ASPM: variants seen among roughly 807,000 people sequenced by gnomAD.
ASPM encodes the protein abnormal spindle-like microcephaly-associated protein.
In ASPM, 256 loss-of-function variants were observed where a neutral mutation model predicts 366.4. The ratio of observed to expected loss-of-function variants is 0.70; its 90% CI spans 0.63 to 0.77. The LOEUF is 0.77. ASPM is among the 30% of genes least tolerant of loss of function. ASPM has a pLI of 0.00. For missense variants in ASPM, 4,146 were observed against 4,090.4 expected (o/e 1.01, Z -0.37); for synonymous variants, 1,414 against 1,342.9 (o/e 1.05, Z -1.16).
intron 8 of ASPM, among the ~76,000 whole-genome samples, chr1:197,129,702 G>T (rs528251891): frequency 6.6e-6 from 1 of 152,126 alleles, no homozygotes; most frequent in Non-Finnish European, 1.5e-5. Flanking sequence ...AACCTACTGG[G>T]GGGAGAGGAT....
chr1:197,142,192 T>A (rs1385937701), intron 3 of ASPM, 139 bp downstream of exon 3: 1 of 887,426 alleles, frequency 1.1e-6, no homozygotes, highest in East Asian at 2.4e-5. Flanking sequence ...ACATAAGCTG[T>A]ATTCACATTT....
At position 197,104,789 on chromosome 1, in the gene ASPM, T is replaced by G; in HGVS notation, c.4462A>C (p.Arg1488=). ...HKELRKYIYI[R]SCVVIIQKRF... ...TTCTGAATGATAACAACACAAGATCTAATATAAATATATTTCCGTAATTCT... is the reference window on the plus strand; with the variant it reads ...TTCTGAATGATAACAACACAAGATCGAATATAAATATATTTCCGTAATTCT... The change falls in exon 18 of 28, where the codon AGA becomes CGA. Residue 1488 remains arginine (R), a synonymous_variant. Coordinates refer to ENST00000367409, the MANE Select transcript of ASPM (RefSeq NM_018136.5). 6.3e-7 allele frequency: 1 copy of G among 1,585,758 alleles called. No individual in the cohort carries two copies. The highest frequency in any genetic ancestry group is 8.6e-7 in the Non-Finnish European group (1 of 1,169,518).
At chr1:197,091,836 G>C (rs1656794637) in intron 22 of ASPM, 71 bp downstream of exon 22, 5 of 1,491,144 alleles carry the variant, frequency 3.4e-6, no homozygotes, top group Non-Finnish European at 4.6e-6. Flanking sequence ...TTTGGAAATT[G>C]TTTATTACAT....
intron 17 of ASPM, among the ~76,000 whole-genome samples, chr1:197,105,874 C>A (rs1657392966): frequency 6.6e-6 from 1 of 151,990 alleles, no homozygotes; most frequent in Admixed American, 6.6e-5. Context: ...AAAAGAGCTA[C>A]AAACTCTCAA....
intron 6 of ASPM, among the ~76,000 whole-genome samples, chr1:197,132,935 T>C (rs1658307505): frequency 6.6e-6 from 1 of 152,092 alleles, no homozygotes; most frequent in Admixed American, 6.6e-5. Context: ...GTTGAATTTA[T>C]AGAAGCACAG....
chr1:197,116,349 CA>C (rs1403359987), intron 17 of ASPM, among the ~76,000 whole-genome samples: 1 of 152,050 alleles, frequency 6.6e-6, no homozygotes, highest in African/African-American at 2.4e-5. Flanking sequence ...CACTTCCTAT[CA>C]AAGATCATTA....
chr1:197,122,264 A>AT lies in ASPM; in HGVS notation c.3635dup (p.Asn1212LysfsTer2). 6.2e-7 allele frequency: 1 copy of AT among 1,613,594 alleles called. No individual in the cohort carries two copies. Among genetic ancestry groups the AT allele is most frequent in the Non-Finnish European group, 8.5e-7 (1 of 1,179,678 alleles). ...TAACCAAGTGAAAATTTTTCTTTTC[A>AT]TTTTCTAGGAGCTCTTTGTATAGCT... On this transcript the variant is annotated frameshift_variant, in exon 15 of 28. Transcript: ENST00000367409. LOFTEE classifies it high-confidence loss of function.
rs776016976 is a variant in ASPM, at chr1:197,094,219, TAACTTA to T, written c.8988-45_8988-40del. On this transcript the variant is annotated intron_variant, in intron 19 of 27. Coordinates refer to ENST00000367409, the MANE Select transcript of ASPM (RefSeq NM_018136.5). ...ATTGGAAAGCAATGTCAAATTACTT[TAACTTA>T]TTCAATGAGTATTTATTGCCTCCCC... is the stretch of plus-strand genomic sequence containing the variant. 19 of 1,284,974 alleles carry T rather than the reference TAACTTA, an allele frequency of 1.5e-5. No individual in the cohort carries two copies. In the African/African-American group the frequency reaches 2.3e-4, roughly 16 times the overall value. 79.6% of individuals were successfully genotyped at this position (1,284,974 alleles called of 1,614,324 possible).
At position 197,096,035 on chromosome 1, in the gene ASPM, T is replaced by A. The variant is rs775433802; in HGVS notation, c.8950A>T (p.Ile2984Phe). 6.2e-7 allele frequency: 1 copy of A among 1,609,582 alleles called. No homozygotes were observed. Among genetic ancestry groups the A allele is most frequent in the East Asian group, 2.2e-5 (1 of 44,752 alleles). ...YLAILKAVKI[I>F]QGCFYTKLER... ...AGTTTGGTATAGAAGCAACCTTGAA[T>A]AATTTTAACAGCTTTTAATATAGCT... Residue 2984 changes from isoleucine (I) to phenylalanine (F), a missense_variant, in exon 19 of 28, where the codon ATT (isoleucine) becomes TTT (phenylalanine). Transcript: ENST00000367409.
At chr1:197,131,266 T>A (rs1378509238) in intron 7 of ASPM, among the ~76,000 whole-genome samples, 2 of 152,078 alleles carry the variant, frequency 1.3e-5, no homozygotes, top group Non-Finnish European at 2.9e-5. Flanking sequence ...TAAACTGAAA[T>A]AGTAATGGGA....
chr1:197,131,202 T>C (rs532860368), intron 7 of ASPM, among the ~76,000 whole-genome samples: 1 of 152,252 alleles, frequency 6.6e-6, no homozygotes, highest in African/African-American at 2.4e-5. Flanking sequence ...AAAAGCCAGA[T>C]TATTACAAAG....
Position 197,090,734 on chromosome 1 carries a change from C to T in ASPM, c.9636+116G>A, listed in dbSNP as rs72736482. Reference sequence around the variant, plus strand: ...GGTAGTATAGTGCTTATGAGTTATTCTACCGGCTAATGCGTTAGCTTTTTA... The same window carrying T: ...GGTAGTATAGTGCTTATGAGTTATTTTACCGGCTAATGCGTTAGCTTTTTA... On this transcript the variant is annotated intron_variant, in intron 23 of 27. Coordinates refer to ENST00000367409, the MANE Select transcript of ASPM (RefSeq NM_018136.5). The T allele has an allele frequency of 0.1, 96,563 of 946,216 alleles. 5,828 individuals are homozygous for T. The highest frequency in any genetic ancestry group is 0.13 in the Non-Finnish European group (78,002 of 614,612). The allele number at this position is 946,216 out of a possible 1,614,324, so 58.6% of individuals were successfully genotyped here.
intron 27 of ASPM, 84 bp downstream of exon 27, chr1:197,086,719 G>A (rs1439851464): frequency 1.1e-5 from 13 of 1,195,028 alleles, no homozygotes; most frequent in Non-Finnish European, 1.6e-5. Context: ...AGCACATCTT[G>A]TTTATGGTAA....
rs1382088362 is a variant in ASPM at position 197,100,460 on chromosome 1, C to G, written c.8791G>C (p.Glu2931Gln). The G allele has an allele frequency of 1.3e-6, 2 of 1,565,994 alleles. No homozygotes were observed. Among genetic ancestry groups the G allele is most frequent in the Non-Finnish European group, 1.7e-6 (2 of 1,155,354 alleles). ...KGFIQKRKFQ[E>Q]IKNSTIKIQA... The stretch of plus-strand genomic sequence containing the variant: ...ATTTTTATGGTGCTATTTTTAATTT[C>G]CTGAAACTTCCGTTTCTGTATAAAT... Residue 2931 changes from glutamate (E) to glutamine (Q), a missense_variant, in exon 18 of 28, where the codon GAA becomes CAA. Around this residue, in one of 3 missense-constraint regions of ASPM, gnomAD observed 3,624 missense variants for 3,591.7 expected, o/e 1.01. Coordinates refer to ENST00000367409, the MANE Select transcript of ASPM (RefSeq NM_018136.5).
Position 197,121,958 on chromosome 1 carries a change from G to A in ASPM, c.3827C>T (p.Thr1276Ile). Residue 1276 changes from threonine (T) to isoleucine (I), a missense_variant, in exon 16 of 28, where the codon ACA becomes ATA. Physicochemically the swap from Thr to Ile is moderately conservative, Grantham distance 89 (BLOSUM62 -1). Transcript: ENST00000367409. ...TGTTTTTAGTTTATATTTTCTCCATGTTGTTTGTATGAGTCGAGCAGCTCT... is the reference window on the plus strand; with the variant it reads ...TGTTTTTAGTTTATATTTTCTCCATATTGTTTGTATGAGTCGAGCAGCTCT... ...EIRAARLIQT[T>I]WRKYKLKTDL... 1 of 1,611,562 alleles carries A rather than the reference G, an allele frequency of 6.2e-7. No individual in the cohort carries two copies. The highest frequency in any genetic ancestry group is 8.5e-7 in the Non-Finnish European group (1 of 1,178,062).
Position 197,118,446 on chromosome 1 carries a change from G to A in ASPM, c.3871-463C>T, listed in dbSNP as rs116158367. Among the ~76,000 whole-genome samples, 897 of 152,114 alleles carry A rather than the reference G, an allele frequency of 5.9e-3. 12 individuals carry two copies. The highest frequency in any genetic ancestry group is 0.021 in the African/African-American group (861 of 41,512). On this transcript the variant is annotated intron_variant, in intron 16 of 27. Transcript: ENST00000367409. ...ACAAAATACCTCCTCCTTTAGCACAGAATACATTGTGGCCTTAGGTCATAC... is the reference window on the plus strand; with the variant it reads ...ACAAAATACCTCCTCCTTTAGCACAAAATACATTGTGGCCTTAGGTCATAC...
chr1:197,103,578 C>T lies in ASPM; in HGVS notation c.5673G>A (p.Arg1891=). 1 of 1,612,808 alleles carries T rather than the reference C, an allele frequency of 6.2e-7. No individual in the cohort carries two copies. The highest frequency in any genetic ancestry group is 1.3e-5 in the African/African-American group (1 of 74,926). Reference sequence around the variant, plus strand: ...CTTGATGTTCCCTTCTAATCTGTTTCCGAACCTTCCAGCCACGATAAGCAG... The same window carrying T: ...CTTGATGTTCCCTTCTAATCTGTTTTCGAACCTTCCAGCCACGATAAGCAG... ...LQSAYRGWKV[R]KQIRREHQAA... The change falls in exon 18 of 28, where the codon CGG becomes CGA. Residue 1891 remains arginine, a synonymous_variant. Coordinates refer to ENST00000367409, the MANE Select transcript of ASPM (RefSeq NM_018136.5).
Position 197,124,920 on chromosome 1 carries a change from G to A in ASPM, c.3118C>T (p.His1040Tyr). Residue 1040 changes from histidine (H) to tyrosine (Y), a missense_variant, in exon 12 of 28, where the codon CAC (histidine) becomes TAC (tyrosine). By Grantham distance (83) the His-to-Tyr change is moderately conservative. Transcript: ENST00000367409. The stretch of plus-strand genomic sequence containing the variant: ...AGCAACCTGAGAGTTTTTTCTCTGT[G>A]CCTATCCACAATATCCTTAGATAGA... The part of the protein sequence containing the change: ...TILSKDIVDR[H>Y]REKTLRLLWK... The A allele has an allele frequency of 8.1e-6, 13 of 1,612,182 alleles. No homozygotes were observed. The highest frequency in any genetic ancestry group is 1.1e-5 in the Non-Finnish European group (13 of 1,178,432).
chr1:197,088,496 C>A, intron 25 of ASPM, 64 bp from the exon 26 acceptor site: 2 of 1,461,466 alleles, frequency 1.4e-6, no homozygotes, highest in South Asian at 2.4e-5. Context: ...ACAACCCAAC[C>A]AAAAAAACAA....
Sources: allele counts gnomAD v4.1 joint callset (sites outside exome capture counted in the v4.1 genomes callset), GRCh38; gene constraint gnomAD v4.1.1; regional missense constraint gnomAD v4.1.1; transcripts MANE v1.5; gene names NCBI Gene and HGNC (gene_info 2026-07-23, HGNC 2026-07-21).